Variants in RANBP2 observed in about 807,000 individuals in gnomAD.
The protein encoded by RANBP2 is RAN binding protein 2.
A neutral mutation model predicts 303.6 loss-of-function variants in RANBP2; 57 were observed. That is an observed-to-expected ratio of 0.19 (90% confidence interval 0.15 to 0.23). RANBP2 has a LOEUF of 0.23. Among genes scored for constraint, RANBP2 ranks in the 10% least tolerant of loss-of-function variants. The probability of loss-of-function intolerance (pLI) is 1.00; values close to 1 mark genes in which losing one functional copy is unlikely to be tolerated. For synonymous variants in RANBP2, 1,167 were observed against 1,301.5 expected (o/e 0.90, Z 2.23); for missense variants, 3,138 against 3,780.8 (o/e 0.83, Z 4.46).
At chr2:108,757,485 T>A (rs1202248397) in intron 17 of RANBP2, among the ~76,000 whole-genome samples, 3 of 152,104 alleles carry the variant, frequency 2.0e-5, no homozygotes, top group African/African-American at 7.2e-5. Context: ...GTATAAAAAT[T>A]AAGAGTTTAA....
At chr2:109,208,282 C>G in the RANBP2 span, among the ~76,000 whole-genome samples, 400 of 152,356 alleles carry the variant, frequency 2.6e-3, 2 homozygotes, top group African/African-American at 9.3e-3. Flanking sequence ...ACAGACACTC[C>G]TGCCACCTGC....
At chr2:109,459,037 C>A in the RANBP2 span, among the ~76,000 whole-genome samples, 1 of 152,130 alleles carries the variant, frequency 6.6e-6, no homozygotes, top group Non-Finnish European at 1.5e-5. Context: ...TAATATGATA[C>A]AACAAGCCTG....
At chr2:109,032,303 C>T in the RANBP2 span, among the ~76,000 whole-genome samples, 2 of 151,598 alleles carry the variant, frequency 1.3e-5, no homozygotes, top group African/African-American at 4.8e-5. Context: ...TTTTTTTGTC[C>T]CTCCCCACCC....
chr2:109,326,028 A>T, the RANBP2 span, among the ~76,000 whole-genome samples: 4 of 152,266 alleles, frequency 2.6e-5, no homozygotes, highest in African/African-American at 9.6e-5. Flanking sequence ...CATCAGCCTA[A>T]GAAATGTGGA....
the RANBP2 span, among the ~76,000 whole-genome samples, chr2:109,479,933 G>A: frequency 1.1e-4 from 17 of 152,192 alleles, no homozygotes; most frequent in Admixed American, 1.1e-3. Context: ...GCCCAGCCCG[G>A]TTTTGCTGAC....
At chr2:108,994,245 TG>T in the RANBP2 span, among the ~76,000 whole-genome samples, 9 of 152,154 alleles carry the variant, frequency 5.9e-5, no homozygotes, top group Admixed American at 5.9e-4. Flanking sequence ...ACCACCTCCA[TG>T]GATGAAGGAA....
the RANBP2 span, among the ~76,000 whole-genome samples, chr2:109,708,582 C>G: frequency 6.6e-6 from 1 of 151,908 alleles, no homozygotes; most frequent in Non-Finnish European, 1.5e-5. Context: ...GCCTGGGAGG[C>G]AAAGGTTGTA....
the RANBP2 span, among the ~76,000 whole-genome samples, chr2:109,491,749 C>T: frequency 6.6e-6 from 1 of 152,226 alleles, no homozygotes; most frequent in Non-Finnish European, 1.5e-5. Flanking sequence ...ATGATCCTTA[C>T]TGAGTGCCTA....
the RANBP2 span, among the ~76,000 whole-genome samples, chr2:109,295,409 C>T: frequency 6.6e-6 from 1 of 152,226 alleles, no homozygotes; most frequent in Non-Finnish European, 1.5e-5. Flanking sequence ...CTGAAGTCTT[C>T]AGTGTCTAAA....
the RANBP2 span, among the ~76,000 whole-genome samples, chr2:109,203,632 CT>C: frequency 6.6e-6 from 1 of 152,138 alleles, no homozygotes; most frequent in Non-Finnish European, 1.5e-5. Context: ...CATCGTGGCC[CT>C]GTCTCTGTGC....
chr2:109,111,090 G>A, the RANBP2 span, among the ~76,000 whole-genome samples: 1 of 152,160 alleles, frequency 6.6e-6, no homozygotes, highest in Non-Finnish European at 1.5e-5. Flanking sequence ...TGATCATCCA[G>A]TTACCTCTTG....
the RANBP2 span, among the ~76,000 whole-genome samples, chr2:109,144,980 G>A: frequency 6.6e-6 from 1 of 152,232 alleles, no homozygotes; most frequent in African/African-American, 2.4e-5. Context: ...GCTCACACCC[G>A]GCTCCTGGGC....
chr2:109,152,528 G>C, the RANBP2 span, among the ~76,000 whole-genome samples: 1 of 152,230 alleles, frequency 6.6e-6, no homozygotes, highest in Non-Finnish European at 1.5e-5. Flanking sequence ...TGGAAACAAC[G>C]AAGTGTTTGA....
chr2:109,534,567 G>T, the RANBP2 span, among the ~76,000 whole-genome samples: 15 of 152,242 alleles, frequency 9.9e-5, no homozygotes, highest in Admixed American at 2.6e-4. Context: ...ATCACTTGAG[G>T]TTAGGAGTTC....
At chr2:108,806,108 G>A in the RANBP2 span, among the ~76,000 whole-genome samples, 1 of 151,974 alleles carries the variant, frequency 6.6e-6, no homozygotes, top group African/African-American at 2.4e-5. Context: ...TGATACATAG[G>A]TACCCTTTTT....
chr2:109,648,041 C>T, the RANBP2 span, among the ~76,000 whole-genome samples: 3 of 152,122 alleles, frequency 2.0e-5, no homozygotes, highest in African/African-American at 4.8e-5. Flanking sequence ...AGTAATCACA[C>T]ATTAGGAGGG....
the RANBP2 span, among the ~76,000 whole-genome samples, chr2:109,407,658 C>T: frequency 2.6e-5 from 4 of 152,144 alleles, no homozygotes; most frequent in Non-Finnish European, 4.4e-5. Context: ...AGCACCTGGG[C>T]TTATTTTTAG....
chr2:109,066,003 T>C, the RANBP2 span, among the ~76,000 whole-genome samples: 1 of 152,196 alleles, frequency 6.6e-6, no homozygotes, highest in African/African-American at 2.4e-5. Context: ...AATGGCATGA[T>C]CTTGGCTCAC....
chr2:108,778,856 G>C (rs1678050834), intron 25 of RANBP2, among the ~76,000 whole-genome samples: 1 of 151,742 alleles, frequency 6.6e-6, no homozygotes, highest in Non-Finnish European at 1.5e-5. Flanking sequence ...AGCTTCCCAA[G>C]TAGCTGGGAC....
Sources: allele counts gnomAD v4.1 joint callset (sites outside exome capture counted in the v4.1 genomes callset), GRCh38; gene constraint gnomAD v4.1.1; transcripts MANE v1.5; gene names NCBI Gene and HGNC (gene_info 2026-07-23, HGNC 2026-07-21).